Variants in CAMTA1 observed in about 807,000 individuals in gnomAD.
CAMTA1 encodes calmodulin-binding transcription activator 1.
A neutral mutation model predicts 170.9 loss-of-function variants in CAMTA1; 27 were observed. The observed-to-expected ratio is 0.16, with a 90% confidence interval of 0.12 to 0.22. The LOEUF (loss-of-function observed/expected upper bound fraction) is 0.22. Among genes scored for constraint, CAMTA1 ranks in the 10% least tolerant of loss-of-function variants. The pLI is 1.00. For missense variants in CAMTA1, 1,619 were observed against 2,217.2 expected (o/e 0.73, Z 5.42); for synonymous variants, 833 against 891.5 (o/e 0.93, Z 1.17).
Position 7,768,840 on chromosome 1 carries a change from A to G in CAMTA1, c.*2349A>G, listed in dbSNP as rs894257281. The G allele has an allele frequency of 1.3e-5, 2 of 152,478 alleles. No homozygotes were observed. Among genetic ancestry groups the G allele is most frequent in the Non-Finnish European group, 2.9e-5 (2 of 68,036 alleles). The allele number at this position is 152,478 out of a possible 1,614,324, so 9.4% of individuals were successfully genotyped here. A position where few individuals can be genotyped will look rare whatever the true frequency, so the allele number is the denominator to read the frequency against. On this transcript the variant is annotated 3_prime_UTR_variant, in exon 23 of 23. Coordinates refer to ENST00000303635, the MANE Select transcript of CAMTA1 (RefSeq NM_015215.4). ...ATAGGAGGACACTGAGTAATTTACA[A>G]ACACAACTGCATTCATAAATGGGAA... is the stretch of plus-strand genomic sequence containing the variant.
intron 3 of CAMTA1, among the ~76,000 whole-genome samples, chr1:6,996,870 G>C (rs1303240248): frequency 6.6e-6 from 1 of 152,128 alleles, no homozygotes; most frequent in Non-Finnish European, 1.5e-5. Flanking sequence ...TCCAACAAGA[G>C]CTACTTCTCC....
rs139417477 is a variant in CAMTA1 at position 7,714,773 on chromosome 1, C to T, written c.2915-17675C>T. 8.9e-3 allele frequency among the ~76,000 whole-genome samples: 1,355 copies of T among 152,262 alleles called. 13 individuals carry two copies. The highest frequency in any genetic ancestry group is 0.029 in the African/African-American group (1,216 of 41,542). ...CTGACCTCAGGTGATCTTCCCGCCT[C>T]GGCCTCCCAAAATGCTGGGATTACA... On this transcript the variant is annotated intron_variant, in intron 11 of 22. Coordinates refer to ENST00000303635, the MANE Select transcript of CAMTA1 (RefSeq NM_015215.4).
At chr1:7,427,045 G>T (rs2091903657) in intron 5 of CAMTA1, among the ~76,000 whole-genome samples, 1 of 152,138 alleles carries the variant, frequency 6.6e-6, no homozygotes, top group East Asian at 1.9e-4. Context: ...AAGCAGGGCA[G>T]CCGACTTAGA....
intron 6 of CAMTA1, among the ~76,000 whole-genome samples, chr1:7,619,281 C>T (rs563296131): frequency 7.9e-5 from 12 of 152,332 alleles, no homozygotes; most frequent in South Asian, 2.1e-4. Flanking sequence ...CTATCACCTA[C>T]GCGGAAAGCC....
At chr1:7,709,809 T>G (rs114146204) in intron 11 of CAMTA1, among the ~76,000 whole-genome samples, 3,687 of 152,298 alleles carry the variant, frequency 0.024, 133 homozygotes, top group African/African-American at 0.083. Context: ...AACCCATTAG[T>G]GGTTCAGAAA....
intron 3 of CAMTA1, among the ~76,000 whole-genome samples, chr1:6,916,467 G>A (rs1334437456): frequency 3.3e-5 from 5 of 152,184 alleles, no homozygotes; most frequent in Non-Finnish European, 1.5e-5. Context: ...ATTTACGGCA[G>A]CTTGACTTAC....
chr1:7,105,167 C>A (rs1558107067), intron 4 of CAMTA1, among the ~76,000 whole-genome samples: 1 of 152,110 alleles, frequency 6.6e-6, no homozygotes, highest in Non-Finnish European at 1.5e-5. Context: ...ATGAATTATT[C>A]AATTTTCAGG....
chr1:7,680,224 T>A lies in CAMTA1; in HGVS notation c.2914+2491T>A, dbSNP rs1304160718. 7.3e-6 allele frequency: 2 copies of A among 272,482 alleles called. No homozygotes were observed. Among genetic ancestry groups the A allele is most frequent in the Non-Finnish European group, 1.6e-5 (2 of 124,498 alleles). 16.9% of individuals were successfully genotyped at this position (272,482 alleles called of 1,614,324 possible). A position where few individuals can be genotyped will look rare whatever the true frequency, so the allele number is the denominator to read the frequency against. Reference sequence around the variant, plus strand: ...GCAGTGGCCGGGCGGTGGTGAGCCTTCCGTTCCCCGCCTGTCCCTCCCGGC... The same window carrying A: ...GCAGTGGCCGGGCGGTGGTGAGCCTACCGTTCCCCGCCTGTCCCTCCCGGC... On this transcript the variant is annotated intron_variant, in intron 11 of 22. Coordinates refer to ENST00000303635, the MANE Select transcript of CAMTA1 (RefSeq NM_015215.4). This position sits in a 1 kb window ranked among gnomAD's most constrained non-coding sequence, Gnocchi z 4.4.
At chr1:7,395,176 C>T (rs1302230583) in intron 5 of CAMTA1, among the ~76,000 whole-genome samples, 3 of 152,214 alleles carry the variant, frequency 2.0e-5, no homozygotes, top group Admixed American at 6.5e-5. Context: ...AGCCACCGCA[C>T]CTGGCCTCTT....
intron 3 of CAMTA1, among the ~76,000 whole-genome samples, chr1:6,911,785 C>G (rs1032765828): frequency 6.6e-6 from 1 of 152,328 alleles, no homozygotes; most frequent in South Asian, 2.1e-4. Context: ...TTAACAACTT[C>G]GAGTGATTCC....
intron 16 of CAMTA1, among the ~76,000 whole-genome samples, chr1:7,740,471 CAT>C (rs1195889562): frequency 2.0e-5 from 3 of 151,920 alleles, no homozygotes; most frequent in African/African-American, 7.3e-5. Flanking sequence ...ACTATATAAA[CAT>C]AAATATCTAG....
At chr1:6,949,316 C>A (rs910760129) in intron 3 of CAMTA1, among the ~76,000 whole-genome samples, 1 of 152,228 alleles carries the variant, frequency 6.6e-6, no homozygotes, top group Non-Finnish European at 1.5e-5. Context: ...CACATAGGAA[C>A]TGCAGCCCTT....
intron 1 of CAMTA1, among the ~76,000 whole-genome samples, chr1:6,818,337 AAAAC>A (rs957199109): frequency 5.0e-4 from 76 of 152,262 alleles, no homozygotes; most frequent in South Asian, 2.9e-3. Context: ...ACTCCGTCTC[AAAAC>A]AAACAAACAA....
chr1:6,882,287 A>G (rs1344642676), intron 3 of CAMTA1, among the ~76,000 whole-genome samples: 1 of 152,238 alleles, frequency 6.6e-6, no homozygotes. Flanking sequence ...AACAGGGAGC[A>G]TATGGCCTGT....
intron 3 of CAMTA1, among the ~76,000 whole-genome samples, chr1:6,873,571 T>C (rs537590491): frequency 3.2e-4 from 48 of 152,340 alleles, no homozygotes; most frequent in Admixed American, 6.5e-4. Context: ...CCATCTGCCT[T>C]TGAGGTAGAC....
chr1:7,340,476 G>A (rs1438339704), intron 5 of CAMTA1, among the ~76,000 whole-genome samples: 1 of 151,958 alleles, frequency 6.6e-6, no homozygotes, highest in Non-Finnish European at 1.5e-5. Context: ...GACTAGGGGA[G>A]GGCCCAGGAA....
Position 7,052,634 on chromosome 1 carries a change from G to A in CAMTA1, c.235-38670G>A, listed in dbSNP as rs542270223. Among the ~76,000 whole-genome samples, 8 of 152,144 alleles carry A rather than the reference G, an allele frequency of 5.3e-5. No homozygotes were observed. The South Asian group carries it at 1.2e-3, about 24-fold the overall frequency. On this transcript the variant is annotated intron_variant, in intron 3 of 22. Transcript: ENST00000303635. Reference sequence around the variant, plus strand: ...TCCCCTCGCTCACATGACCAGGTGCGTGGCTCGTCCAGCTCTACTCATACC... The same window carrying A: ...TCCCCTCGCTCACATGACCAGGTGCATGGCTCGTCCAGCTCTACTCATACC...
intron 5 of CAMTA1, among the ~76,000 whole-genome samples, chr1:7,274,116 T>C (rs1195093043): frequency 6.6e-6 from 1 of 152,148 alleles, no homozygotes; most frequent in Non-Finnish European, 1.5e-5. Context: ...ATATACATAA[T>C]TGCATCAACT....
chr1:7,304,299 T>G (rs137860027), intron 5 of CAMTA1, among the ~76,000 whole-genome samples: 20 of 152,322 alleles, frequency 1.3e-4, no homozygotes, highest in Non-Finnish European at 2.6e-4. Flanking sequence ...GAATGCACAA[T>G]GTTTAAATTA....
Sources: gnomAD v4.1 joint callset for allele counts (sites outside exome capture counted in the v4.1 genomes callset) on GRCh38, gnomAD v4.1.1 for gene constraint, Gnocchi (gnomAD v3.1) non-coding constraint, MANE v1.5 for transcripts, NCBI Gene and HGNC (gene_info 2026-07-23, HGNC 2026-07-21) for gene names.